The following GLRX3 variants were observed in gnomAD, a reference collection of about 807,000 sequenced individuals.
The protein encoded by GLRX3 is glutaredoxin-3.
A neutral mutation model predicts 49.5 loss-of-function variants in GLRX3; 22 were observed. That is an observed-to-expected ratio of 0.44 (90% CI 0.32 to 0.63). The LOEUF is 0.63. GLRX3 is among the 30% of genes least tolerant of loss of function. GLRX3 has a pLI of 0.05. For missense variants in GLRX3, 385 were observed against 396.3 expected (o/e 0.97, Z 0.24); for synonymous variants, 133 against 140.0 (o/e 0.95, Z 0.35).
chr10:130,139,652 AAACC>A, intron 1 of GLRX3, among the ~76,000 whole-genome samples: 1 of 141,802 alleles, frequency 7.1e-6, no homozygotes, highest in East Asian at 2.0e-4. Flanking sequence ...AAAAAAAAAA[AAACC>A]AAAAAAAGAA....
At chr10:130,159,798 T>A in intron 2 of GLRX3, 197 bp from the exon 3 acceptor site, 1 of 1,332,096 alleles carries the variant, frequency 7.5e-7, no homozygotes. Context: ...TGAACCTGTT[T>A]TGACACTGCA....
intron 4 of GLRX3, among the ~76,000 whole-genome samples, chr10:130,164,833 AAT>A (rs1180213550): frequency 6.6e-6 from 1 of 152,228 alleles, no homozygotes; most frequent in African/African-American, 2.4e-5. Context: ...AAAATGAGTT[AAT>A]ATATTGGCAA....
chr10:130,177,223 T>C (rs1862940755), intron 10 of GLRX3, among the ~76,000 whole-genome samples: 1 of 152,218 alleles, frequency 6.6e-6, no homozygotes. Context: ...AATGAGGGAC[T>C]GAATGATGAT....
In GLRX3 at chr10:130,143,536, A is replaced by C. The variant is rs542659573; in HGVS notation, c.93-1675A>C. Among the ~76,000 whole-genome samples the C allele has an allele frequency of 4.1e-5, 6 of 147,488 alleles. No homozygotes were observed. In the South Asian group the frequency reaches 1.3e-3, roughly 32 times the overall value. ...TGTGTTCATACTATAAATGTTTAGA[A>C]TTTTTTTTTTTTAAATGGGTCTTGC... On this transcript the variant is annotated intron_variant, in intron 1 of 10. Coordinates refer to ENST00000331244, the MANE Select transcript of GLRX3 (RefSeq NM_006541.5).
At chr10:130,158,122 T>C (rs2134898015) in intron 2 of GLRX3, among the ~76,000 whole-genome samples, 1 of 152,316 alleles carries the variant, frequency 6.6e-6, no homozygotes, top group East Asian at 1.9e-4. Context: ...GTTCTCAGCC[T>C]TCAGCAGGAA....
chr10:130,143,677 C>T (rs1022021108), intron 1 of GLRX3, among the ~76,000 whole-genome samples: 1 of 151,938 alleles, frequency 6.6e-6, no homozygotes, highest in Non-Finnish European at 1.5e-5. Context: ...CAGGCATGAG[C>T]CACCTTGCCT....
intron 2 of GLRX3, among the ~76,000 whole-genome samples, chr10:130,147,880 A>C (rs1294643086): frequency 6.6e-6 from 1 of 152,128 alleles, no homozygotes; most frequent in Non-Finnish European, 1.5e-5. Context: ...TCTCTACAAA[A>C]GAAAAACTAA....
At chr10:130,151,109 G>T (rs1862368370) in intron 2 of GLRX3, among the ~76,000 whole-genome samples, 1 of 151,992 alleles carries the variant, frequency 6.6e-6, no homozygotes, top group African/African-American at 2.4e-5. Flanking sequence ...TGTATTTTTA[G>T]TAGAGACGGG....
At chr10:130,164,887 G>A (rs1369078671) in intron 4 of GLRX3, among the ~76,000 whole-genome samples, 1 of 152,200 alleles carries the variant, frequency 6.6e-6, no homozygotes, top group Non-Finnish European at 1.5e-5. Flanking sequence ...GTTTACTAAT[G>A]AACTCCCAGA....
In GLRX3 at chr10:130,136,566, A is replaced by G. The variant is rs181250610; in HGVS notation, c.92+54A>G. The G allele has an allele frequency of 1.6e-3, 2,053 of 1,244,704 alleles. 3 individuals carry two copies. The highest frequency in any genetic ancestry group is 1.9e-3 in the Non-Finnish European group (1,905 of 989,966). 77.1% of individuals were successfully genotyped at this position (1,244,704 alleles called of 1,614,324 possible). ...AGGAGCCGGAGCGGGAGCGGCCGCG[A>G]GACCGGGCCGGTGTGGGGCGGCGGG... On this transcript the variant is annotated intron_variant, in intron 1 of 10. Transcript: ENST00000331244.
rs1862694488 is a variant in GLRX3, at chr10:130,166,544, T to C, written c.516T>C (p.His172=). The C allele has an allele frequency of 6.2e-7, 1 of 1,613,248 alleles. No homozygotes were observed. The highest frequency in any genetic ancestry group is 1.1e-5 in the South Asian group (1 of 91,048). Residue 172 remains histidine (H), a synonymous_variant, in exon 5 of 11, where the codon CAT becomes CAC. Transcript: ENST00000331244. The part of the protein sequence containing the change: ...SKQMVEILHK[H]NIQFSSFDIF... ...AGATGGTGGAAATTCTTCACAAACA[T>C]AATATTCAGTTTAGCAGTTTTGATA...
chr10:130,142,299 C>T (rs1235809725), intron 1 of GLRX3, among the ~76,000 whole-genome samples: 1 of 152,150 alleles, frequency 6.6e-6, no homozygotes, highest in Non-Finnish European at 1.5e-5. Context: ...TTTCAGGTAG[C>T]ATCTCCCCAA....
chr10:130,164,690 A>G (rs1430867135), intron 4 of GLRX3, among the ~76,000 whole-genome samples: 1 of 152,262 alleles, frequency 6.6e-6, no homozygotes, highest in Non-Finnish European at 1.5e-5. Context: ...CCTTCTTGCC[A>G]TCTTATCCTT....
intron 1 of GLRX3, among the ~76,000 whole-genome samples, chr10:130,138,076 G>C (rs930655432): frequency 6.6e-6 from 1 of 152,012 alleles, no homozygotes; most frequent in African/African-American, 2.4e-5. Context: ...GTTTGTTTTC[G>C]AGACAGGCTG....
chr10:130,163,060 T>G (rs1862607267), intron 4 of GLRX3, among the ~76,000 whole-genome samples: 1 of 152,190 alleles, frequency 6.6e-6, no homozygotes, highest in African/African-American at 2.4e-5. Flanking sequence ...TTAAACTTAT[T>G]TAAATTATGT....
intron 8 of GLRX3, among the ~76,000 whole-genome samples, chr10:130,173,207 G>C (rs921924548): frequency 6.6e-6 from 1 of 152,066 alleles, no homozygotes; most frequent in African/African-American, 2.4e-5. Context: ...CGACACACTG[G>C]GCCTGACTCA....
chr10:130,179,289 CCAT>C (rs1418383200), intron 10 of GLRX3, 50 bp from the exon 11 acceptor site: 7 of 819,818 alleles, frequency 8.5e-6, no homozygotes, highest in Non-Finnish European at 1.4e-5. Flanking sequence ...TTAGATGTTT[CCAT>C]CTTTTTATAT....
chr10:130,150,969 C>T (rs1039101315), intron 2 of GLRX3, among the ~76,000 whole-genome samples: 2 of 151,220 alleles, frequency 1.3e-5, no homozygotes, highest in East Asian at 1.9e-4. Context: ...ACTGTGTCGC[C>T]CAGGCTGGAG....
chr10:130,170,106 G>A (rs946994503), intron 7 of GLRX3, among the ~76,000 whole-genome samples: 3 of 152,192 alleles, frequency 2.0e-5, no homozygotes, highest in African/African-American at 7.2e-5. Flanking sequence ...TGAGATCAGA[G>A]TGGTAATTTC....
Sources: allele counts gnomAD v4.1 joint callset (sites outside exome capture counted in the v4.1 genomes callset), GRCh38; gene constraint gnomAD v4.1.1; transcripts MANE v1.5; gene names NCBI Gene and HGNC (gene_info 2026-07-23, HGNC 2026-07-21).